The following MAP3K10 variants were observed in gnomAD, a reference collection of about 807,000 sequenced individuals.
MAP3K10 encodes the protein MKN28 derived nonreceptor_type serine/threonine kinase.
MAP3K10 carries 22 observed loss-of-function variants against 75.0 expected under a neutral mutation model. The observed-to-expected ratio is 0.29, with a 90% CI of 0.21 to 0.42. The LOEUF (loss-of-function observed/expected upper bound fraction) is 0.42, where lower values mean the gene tolerates loss of function less well. MAP3K10 is among the 10% of genes least tolerant of loss of function. The pLI is 1.00. For missense variants in MAP3K10, 1,165 were observed against 1,379.8 expected (o/e 0.84, Z 2.47); for synonymous variants, 599 against 612.9 (o/e 0.98, Z 0.34).
In MAP3K10 at chr19:40,205,189, G is replaced by A. The variant is rs759057261; in HGVS notation, c.1081G>A (p.Glu361Lys). The change falls in exon 4 of 10, where the codon GAA (glutamate) becomes AAA (lysine). Residue 361 changes from glutamate to lysine, a missense_variant. By Grantham distance (56) the Glu-to-Lys change is moderately conservative (BLOSUM62 1). Around this residue, in one of 2 missense-constraint regions of MAP3K10, gnomAD observed 575 missense variants for 793.2 expected, o/e 0.72. Coordinates refer to ENST00000253055, the MANE Select transcript of MAP3K10 (RefSeq NM_002446.4). This position sits in a 1 kb window ranked among gnomAD's most constrained non-coding sequence, Gnocchi z 4.3. The part of the protein sequence containing the change: ...GSILKRLEVI[E>K]QSALFQMPLE... ...CATCTTGAAGCGGCTTGAAGTCATC[G>A]AACAGTCAGCCCTGTTCCAGATGCC... 13 of 1,613,906 alleles carry A rather than the reference G, an allele frequency of 8.1e-6. 1 individual carries two copies. Among genetic ancestry groups the A allele is most frequent in the South Asian group, 5.5e-5 (5 of 91,060 alleles).
At chr19:40,196,667 C>T (rs957084958) in intron 1 of MAP3K10, among the ~76,000 whole-genome samples, 2 of 152,114 alleles carry the variant, frequency 1.3e-5, no homozygotes, top group African/African-American at 4.8e-5. Flanking sequence ...TCCAGGCACC[C>T]GCCACCACAC....
At chr19:40,199,184 C>CA (rs1972972242) in intron 2 of MAP3K10, among the ~76,000 whole-genome samples, 1 of 152,196 alleles carries the variant, frequency 6.6e-6, no homozygotes, top group Non-Finnish European at 1.5e-5. Context: ...ATGATTAATT[C>CA]ACTCATTCAT....
intron 6 of MAP3K10, 84 bp downstream of exon 6, chr19:40,209,303 C>A: frequency 2.0e-6 from 2 of 984,102 alleles, no homozygotes; most frequent in Non-Finnish European, 3.1e-6. Flanking sequence ...GGCACCAAGC[C>A]AGAGTAACAG....
chr19:40,193,081 G>T (rs549851201), intron 1 of MAP3K10, among the ~76,000 whole-genome samples: 1 of 152,172 alleles, frequency 6.6e-6, no homozygotes, highest in Admixed American at 6.5e-5. Context: ...AGCCTACCCC[G>T]TCTGGAGTCA....
In MAP3K10 at chr19:40,193,055, A is replaced by G. The variant is rs552405835; in HGVS notation, c.682+342A>G. On this transcript the variant is annotated intron_variant, in intron 1 of 9. Transcript: ENST00000253055. Reference sequence around the variant, plus strand: ...TCCAGCCATGCTGCCAGAGTCCACCAGGCAGAGACAAAAAGAGCCTACCCC... The same window carrying G: ...TCCAGCCATGCTGCCAGAGTCCACCGGGCAGAGACAAAAAGAGCCTACCCC... Among the ~76,000 whole-genome samples the G allele has an allele frequency of 2.0e-5, 3 of 152,294 alleles. 1 individual carries two copies. The South Asian group carries it at 6.2e-4, about 32-fold the overall frequency.
chr19:40,205,553 A>G lies in MAP3K10; in HGVS notation c.1188+257A>G. On this transcript the variant is annotated intron_variant, in intron 4 of 9. Transcript: ENST00000253055. The surrounding 1 kb of genome is among the most constrained non-coding windows in gnomAD (Gnocchi z 4.3). ...AAAATACTACAGCAGAAACGAAGAGAGGGCAAGAGGAGAGAAGGACGGGGA... is the reference window on the plus strand; with the variant it reads ...AAAATACTACAGCAGAAACGAAGAGGGGGCAAGAGGAGAGAAGGACGGGGA... 1.8e-6 allele frequency: 1 copy of G among 551,248 alleles called. No individual in the cohort carries two copies. Among genetic ancestry groups the G allele is most frequent in the East Asian group, 2.9e-5 (1 of 34,800 alleles). The allele number at this position is 551,248 out of a possible 1,614,324, so 34.1% of individuals were successfully genotyped here. A position where few individuals can be genotyped will look rare whatever the true frequency, so the allele number is the denominator to read the frequency against.
intron 6 of MAP3K10, among the ~76,000 whole-genome samples, chr19:40,209,703 C>T (rs769817543): frequency 6.6e-6 from 1 of 152,112 alleles, no homozygotes; most frequent in African/African-American, 2.4e-5. Context: ...CATGAGCCAC[C>T]GCGCCCGGGC....
At position 40,198,348 on chromosome 19, in the gene MAP3K10, T is replaced by C; in HGVS notation, c.683-27T>C. 5 of 1,582,822 alleles carry C rather than the reference T, an allele frequency of 3.2e-6. No homozygotes were observed. The highest frequency in any genetic ancestry group is 4.3e-6 in the Non-Finnish European group (5 of 1,162,798). The stretch of plus-strand genomic sequence containing the variant: ...GGTCTGCGGCGTGGCAGGTCTGGGG[T>C]GACCCACCTTTCTTCCCACCCCACA... On this transcript the variant is annotated intron_variant, in intron 1 of 9. Transcript: ENST00000253055. The surrounding 1 kb of genome is among the most constrained non-coding windows in gnomAD (Gnocchi z 4.3).
In MAP3K10 at chr19:40,191,972, C is replaced by G. The variant is rs1198932467; in HGVS notation, c.-60C>G. 2.4e-6 allele frequency: 3 copies of G among 1,225,384 alleles called. No homozygotes were observed. The highest frequency in any genetic ancestry group is 3.2e-6 in the Non-Finnish European group (3 of 925,196). 75.9% of individuals were successfully genotyped at this position (1,225,384 alleles called of 1,614,324 possible). ...TCCATCCCGGCCGCCGGGGCCCGCC[C>G]TCTGCATCCCGCGGGCAGCCTGTGT... On this transcript the variant is annotated 5_prime_UTR_variant, in exon 1 of 10. Coordinates refer to ENST00000253055, the MANE Select transcript of MAP3K10 (RefSeq NM_002446.4).
chr19:40,197,081 T>C (rs1599900267), intron 1 of MAP3K10, among the ~76,000 whole-genome samples: 2 of 152,182 alleles, frequency 1.3e-5, no homozygotes, highest in East Asian at 3.8e-4. Flanking sequence ...GCTCCTGCAT[T>C]TGCGGACCAG....
chr19:40,204,738 G>A lies in MAP3K10; in HGVS notation c.1012+105G>A. The A allele has an allele frequency of 7.3e-7, 1 of 1,375,312 alleles. No individual in the cohort carries two copies. The highest frequency in any genetic ancestry group is 9.8e-7 in the Non-Finnish European group (1 of 1,024,314). 85.2% of individuals were successfully genotyped at this position (1,375,312 alleles called of 1,614,324 possible). On this transcript the variant is annotated intron_variant, in intron 3 of 9. Transcript: ENST00000253055. This position sits in a 1 kb window ranked among gnomAD's most constrained non-coding sequence, Gnocchi z 4.3. ...CCTATCCATACCAGTGGGCCCAGGA[G>A]TGAGGAAGAAGGGGCTGGAACCCAC...
In MAP3K10 at chr19:40,215,014, G is replaced by A. The variant is rs1973324815; in HGVS notation, c.2587G>A (p.Ala863Thr). The change falls in exon 10 of 10, where the codon GCC (alanine) becomes ACC (threonine). Residue 863 changes from alanine to threonine, a missense_variant. By Grantham distance (58) the Ala-to-Thr change is moderately conservative. Around this residue, in one of 2 missense-constraint regions of MAP3K10, gnomAD observed 590 missense variants for 586.6 expected, o/e 1.01. Transcript: ENST00000253055. The stretch of plus-strand genomic sequence containing the variant: ...CTTCCCCCGCCTGCCCGACCCCCAG[G>A]CCCTGTTCCCAGCCCGCCGCCGGCC... The part of the protein sequence containing the change: ...LDFPRLPDPQ[A>T]LFPARRRPPE... 6.3e-7 allele frequency: 1 copy of A among 1,599,778 alleles called. No homozygotes were observed. The highest frequency in any genetic ancestry group is 8.5e-7 in the Non-Finnish European group (1 of 1,172,324).
Position 40,205,216 on chromosome 19 carries a change from C to G in MAP3K10, c.1108C>G (p.Leu370Val), listed in dbSNP as rs1235079354. Residue 370 changes from leucine (L) to valine (V), a missense_variant, in exon 4 of 10, where the codon CTG (leucine) becomes GTG (valine). Leu to Val is a conservative substitution (Grantham distance 32). Coordinates refer to ENST00000253055, the MANE Select transcript of MAP3K10 (RefSeq NM_002446.4). This position sits in a 1 kb window ranked among gnomAD's most constrained non-coding sequence, Gnocchi z 4.3. ...ACAGTCAGCCCTGTTCCAGATGCCA[C>G]TGGAGTCCTTCCACTCGCTGCAGGA... ...IEQSALFQMP[L>V]ESFHSLQEDW... 1 of 1,614,162 alleles carries G rather than the reference C, an allele frequency of 6.2e-7. No homozygotes were observed. The highest frequency in any genetic ancestry group is 8.5e-7 in the Non-Finnish European group (1 of 1,180,034).
At chr19:40,193,525 T>C (rs1220969648) in intron 1 of MAP3K10, among the ~76,000 whole-genome samples, 8 of 152,222 alleles carry the variant, frequency 5.3e-5, no homozygotes, top group African/African-American at 1.4e-4. Flanking sequence ...CAAGTATTAA[T>C]TGAGCACCTA....
Position 40,198,750 on chromosome 19 carries a change from G to A in MAP3K10, c.863+195G>A, listed in dbSNP as rs1972962830. On this transcript the variant is annotated intron_variant, in intron 2 of 9. Coordinates refer to ENST00000253055, the MANE Select transcript of MAP3K10 (RefSeq NM_002446.4). The surrounding 1 kb of genome is among the most constrained non-coding windows in gnomAD (Gnocchi z 4.3). ...ACAAATGGCAACTAGGGGGCACACT[G>A]GATTAGAATAAAAAGCTCATAGGAT... Among the ~76,000 whole-genome samples, 2 of 152,228 alleles carry A rather than the reference G, an allele frequency of 1.3e-5. No individual in the cohort carries two copies. Among genetic ancestry groups the A allele is most frequent in the Non-Finnish European group, 2.9e-5 (2 of 68,036 alleles).
Position 40,205,147 on chromosome 19 carries a change from C to T in MAP3K10, c.1039C>T (p.Arg347Trp), listed in dbSNP as rs779013255. ...ATGCTGGGACCCAGACCCCCACGGG[C>T]GGCCAGATTTCGGTAGCATCTTGAA... ...EECWDPDPHG[R>W]PDFGSILKRL... Residue 347 changes from arginine (R) to tryptophan (W), a missense_variant, in exon 4 of 10, where the codon CGG (arginine) becomes TGG (tryptophan). Physicochemically the swap from Arg to Trp is moderately radical, Grantham distance 101. Around this residue, in one of 2 missense-constraint regions of MAP3K10, gnomAD observed 575 missense variants for 793.2 expected, o/e 0.72. Transcript: ENST00000253055. This position sits in a 1 kb window ranked among gnomAD's most constrained non-coding sequence, Gnocchi z 4.3. The T allele has an allele frequency of 3.7e-6, 6 of 1,613,506 alleles. No homozygotes were observed. Among genetic ancestry groups the T allele is most frequent in the Non-Finnish European group, 4.2e-6 (5 of 1,180,040 alleles).
At chr19:40,203,529 T>TC (rs1156778226) in intron 2 of MAP3K10, among the ~76,000 whole-genome samples, 2 of 152,096 alleles carry the variant, frequency 1.3e-5, no homozygotes, top group Non-Finnish European at 2.9e-5. Flanking sequence ...GAGAGCACTG[T>TC]CGTGGGCAGC....
rs368407913 is a variant in MAP3K10, at chr19:40,205,072, C to A, written c.1013-49C>A. ...AGCAGGCTGAGTCCCCAGAGCATGA[C>A]CACTGACACCTCCATGCCCCACCAC... is the stretch of plus-strand genomic sequence containing the variant. On this transcript the variant is annotated intron_variant, in intron 3 of 9. Coordinates refer to ENST00000253055, the MANE Select transcript of MAP3K10 (RefSeq NM_002446.4). The surrounding 1 kb of genome is among the most constrained non-coding windows in gnomAD (Gnocchi z 4.3). 6.4e-7 allele frequency: 1 copy of A among 1,555,710 alleles called. No individual in the cohort carries two copies. The highest frequency in any genetic ancestry group is 1.1e-5 in the South Asian group (1 of 89,374).
chr19:40,201,788 C>T (rs917746563), intron 2 of MAP3K10, among the ~76,000 whole-genome samples: 7 of 147,810 alleles, frequency 4.7e-5, no homozygotes, highest in Admixed American at 3.4e-4. Context: ...TAGCTCCACA[C>T]GCCAGCTTTT....
Sources: gnomAD v4.1 joint callset for allele counts (sites outside exome capture counted in the v4.1 genomes callset) on GRCh38, gnomAD v4.1.1 for gene constraint, gnomAD v4.1.1 regional missense constraint, Gnocchi (gnomAD v3.1) non-coding constraint, MANE v1.5 for transcripts, NCBI Gene and HGNC (gene_info 2026-07-23, HGNC 2026-07-21) for gene names.